The following NECAB1 variants were observed in gnomAD, a reference collection of about 807,000 sequenced individuals.
The protein encoded by NECAB1 is N-terminal EF-hand calcium binding protein 1.
Under a neutral mutation model 57.5 loss-of-function variants are expected in NECAB1, and 29 were observed. The observed-to-expected ratio is 0.50, with a 90% confidence interval of 0.38 to 0.69. The LOEUF (loss-of-function observed/expected upper bound fraction) is 0.69, where lower values mean the gene tolerates loss of function less well. Ranked by LOEUF, NECAB1 falls within the 30% of genes least tolerant of loss-of-function variation. NECAB1 has a pLI of 0.00. For synonymous variants in NECAB1, 142 were observed against 147.7 expected (o/e 0.96, Z 0.28); for missense variants, 372 against 413.8 (o/e 0.90, Z 0.88).
intron 1 of NECAB1, 59 bp downstream of exon 1, chr8:90,792,044 A>C (rs1275223433): frequency 7.1e-7 from 1 of 1,407,470 alleles, no homozygotes; most frequent in Non-Finnish European, 9.8e-7. Flanking sequence ...TTTCCCCGAA[A>C]GGAAGGGGTT....
intron 5 of NECAB1, among the ~76,000 whole-genome samples, chr8:90,915,046 T>C (rs750013647): frequency 2.6e-5 from 4 of 152,226 alleles, no homozygotes; most frequent in Admixed American, 6.5e-5. Context: ...GACAATGCTA[T>C]GCTTTATTGC....
chr8:90,850,697 CT>C (rs562928825), intron 3 of NECAB1, among the ~76,000 whole-genome samples: 2 of 152,172 alleles, frequency 1.3e-5, no homozygotes, highest in Non-Finnish European at 1.5e-5. Context: ...TATCTTCTTA[CT>C]GGGGTTCAAG....
intron 3 of NECAB1, among the ~76,000 whole-genome samples, chr8:90,866,954 T>C (rs1436467504): frequency 6.6e-6 from 1 of 152,180 alleles, no homozygotes; most frequent in Non-Finnish European, 1.5e-5. Context: ...CGTGCACATG[T>C]ATGTTTATTG....
chr8:90,895,707 C>G (rs1809310851), intron 5 of NECAB1, among the ~76,000 whole-genome samples: 1 of 152,154 alleles, frequency 6.6e-6, no homozygotes, highest in African/African-American at 2.4e-5. Context: ...CCTTCCTTGC[C>G]CCATGAAGTT....
chr8:90,870,335 C>T (rs1808599983), intron 3 of NECAB1, among the ~76,000 whole-genome samples: 2 of 152,134 alleles, frequency 1.3e-5, no homozygotes, highest in Admixed American at 1.3e-4. Context: ...CCATGTTATT[C>T]ACCATTTAAA....
At chr8:90,821,101 T>A (rs781051480) in intron 2 of NECAB1, among the ~76,000 whole-genome samples, 15 of 151,832 alleles carry the variant, frequency 9.9e-5, no homozygotes, top group Non-Finnish European at 2.1e-4. Flanking sequence ...TATTGGTAAC[T>A]CCCAAGCATA....
chr8:90,873,509 T>C (rs937618803), intron 4 of NECAB1, among the ~76,000 whole-genome samples: 1 of 152,334 alleles, frequency 6.6e-6, no homozygotes, highest in Non-Finnish European at 1.5e-5. Context: ...AGTGAAAAGA[T>C]AAAATGGAGA....
At chr8:90,796,636 C>T (rs1316087670) in intron 1 of NECAB1, among the ~76,000 whole-genome samples, 3 of 152,092 alleles carry the variant, frequency 2.0e-5, no homozygotes, top group Admixed American at 6.6e-5. Flanking sequence ...CACAGTATTG[C>T]CTGTCTTCAA....
At chr8:90,923,390 A>ACC (rs34529141) in intron 6 of NECAB1, among the ~76,000 whole-genome samples, 80,249 of 152,002 alleles carry the variant, frequency 0.53, 24,733 homozygotes, top group African/African-American at 0.83. Flanking sequence ...CAGGGCTCAG[A>ACC]CTCCAGTTGG....
intron 4 of NECAB1, among the ~76,000 whole-genome samples, chr8:90,877,299 T>C (rs1182420995): frequency 2.6e-5 from 4 of 152,174 alleles, no homozygotes; most frequent in East Asian, 3.9e-4. Flanking sequence ...TCTCTCTTGA[T>C]GGTGTCACCA....
chr8:90,846,081 A>G (rs1377489659), intron 3 of NECAB1, among the ~76,000 whole-genome samples: 1 of 152,226 alleles, frequency 6.6e-6, no homozygotes, highest in Non-Finnish European at 1.5e-5. Context: ...AATTACCACA[A>G]ATGATACCTA....
At chr8:90,835,001 A>T (rs60243418) in intron 3 of NECAB1, among the ~76,000 whole-genome samples, 23,075 of 86,372 alleles carry the variant, frequency 0.27, 3,466 homozygotes, top group African/African-American at 0.59. Flanking sequence ...TTTTTTTTTT[A>T]AAAAAGAGCC....
intron 3 of NECAB1, among the ~76,000 whole-genome samples, chr8:90,864,919 CT>C (rs1321203830): frequency 6.6e-6 from 1 of 152,070 alleles, no homozygotes; most frequent in East Asian, 1.9e-4. Context: ...TGTACCATTT[CT>C]CACAGCCAAG....
chr8:90,933,644 C>T (rs951309840), intron 8 of NECAB1, among the ~76,000 whole-genome samples: 3 of 151,882 alleles, frequency 2.0e-5, no homozygotes, highest in Non-Finnish European at 2.9e-5. Context: ...GTTCAGGTGA[C>T]GGGTGCACCA....
At chr8:90,927,534 T>C (rs923057102) in intron 7 of NECAB1, among the ~76,000 whole-genome samples, 57 of 152,048 alleles carry the variant, frequency 3.7e-4, no homozygotes, top group African/African-American at 1.4e-3. Context: ...AGATCATAAC[T>C]CTTCCCTTTG....
intron 5 of NECAB1, among the ~76,000 whole-genome samples, chr8:90,892,906 T>G (rs934060018): frequency 2.6e-4 from 40 of 152,250 alleles, no homozygotes; most frequent in Non-Finnish European, 1.3e-4. Context: ...CCCACCCAAA[T>G]CTGAGCCTTC....
chr8:90,814,781 A>G (rs1812029943), intron 2 of NECAB1, among the ~76,000 whole-genome samples: 1 of 152,088 alleles, frequency 6.6e-6, no homozygotes, highest in South Asian at 2.1e-4. Flanking sequence ...AGTCCTAGAA[A>G]AAATTATTTC....
At chr8:90,906,874 C>CATATATATATATATATGTATAT (rs1290352726) in intron 5 of NECAB1, among the ~76,000 whole-genome samples, 3 of 42,654 alleles carry the variant, frequency 7.0e-5, no homozygotes, top group African/African-American at 6.4e-4. Context: ...ATATGATATA[C>CATATATATATATATATGTATAT]ACATATATAT....
chr8:90,801,247 T>C (rs1398323199), intron 1 of NECAB1, among the ~76,000 whole-genome samples: 1 of 152,214 alleles, frequency 6.6e-6, no homozygotes, highest in African/African-American at 2.4e-5. Context: ...CATCCTCTTG[T>C]AATCCACCCT....
Sources: gnomAD v4.1 joint callset for allele counts (sites outside exome capture counted in the v4.1 genomes callset) on GRCh38, gnomAD v4.1.1 for gene constraint, MANE v1.5 for transcripts, NCBI Gene and HGNC (gene_info 2026-07-23, HGNC 2026-07-21) for gene names.